Variants in SAMD8 observed in about 807,000 individuals in gnomAD.
SAMD8 encodes sphingomyelin synthase-related protein 1.
SAMD8 carries 20 observed loss-of-function variants against 42.0 expected under a neutral mutation model. The ratio of observed to expected loss-of-function variants is 0.48; its 90% CI spans 0.34 to 0.69. The LOEUF is 0.69. SAMD8 is among the 30% of genes least tolerant of loss of function. The probability of loss-of-function intolerance (pLI) is 0.01; values close to 1 mark genes in which losing one functional copy is unlikely to be tolerated. For missense variants in SAMD8, 328 were observed against 511.6 expected, an observed-to-expected ratio of 0.64 and a Z score of 3.46; for synonymous variants, 162 against 173.0, an observed-to-expected ratio of 0.94 and a Z score of 0.50.
At chr10:75,137,313 G>A (rs1396746203) in intron 1 of SAMD8, among the ~76,000 whole-genome samples, 1 of 152,186 alleles carries the variant, frequency 6.6e-6, no homozygotes, top group Non-Finnish European at 1.5e-5. Flanking sequence ...GCCGAGGTGG[G>A]TGGATCATTT....
chr10:75,121,605 TC>T (rs1849006982), intron 1 of SAMD8, among the ~76,000 whole-genome samples: 2 of 152,240 alleles, frequency 1.3e-5, no homozygotes, highest in Non-Finnish European at 2.9e-5. Context: ...TTCTGGGACT[TC>T]CTGGTTTTGC....
chr10:75,151,463 C>T (rs1208502688), intron 2 of SAMD8, among the ~76,000 whole-genome samples: 1 of 151,594 alleles, frequency 6.6e-6, no homozygotes, highest in Non-Finnish European at 1.5e-5. Context: ...AAGCAATCCT[C>T]CCACCTCAGC....
intron 2 of SAMD8, among the ~76,000 whole-genome samples, chr10:75,154,445 A>G (rs1183071691): frequency 2.0e-5 from 3 of 152,220 alleles, no homozygotes; most frequent in Admixed American, 2.0e-4. Flanking sequence ...AGCTGGGTGC[A>G]AAAATCTGAA....
intron 2 of SAMD8, among the ~76,000 whole-genome samples, chr10:75,154,063 G>T (rs1840356825): frequency 6.6e-6 from 1 of 152,206 alleles, no homozygotes; most frequent in African/African-American, 2.4e-5. Context: ...ACCATGCCCG[G>T]TGAGCTGTAG....
chr10:75,137,472 G>A (rs1220619809), intron 1 of SAMD8, among the ~76,000 whole-genome samples: 1 of 151,780 alleles, frequency 6.6e-6, no homozygotes, highest in Non-Finnish European at 1.5e-5. Flanking sequence ...CCCGGGAGGC[G>A]GAGCTTGCAG....
chr10:75,130,471 A>C (rs1316834534), intron 1 of SAMD8, among the ~76,000 whole-genome samples: 1 of 152,056 alleles, frequency 6.6e-6, no homozygotes, highest in Non-Finnish European at 1.5e-5. Context: ...GTACCATTGC[A>C]CTCCAGCCTG....
At chr10:75,152,968 G>T (rs910747456) in intron 2 of SAMD8, among the ~76,000 whole-genome samples, 7 of 152,008 alleles carry the variant, frequency 4.6e-5, no homozygotes, top group African/African-American at 1.7e-4. Flanking sequence ...TTACTTTCTT[G>T]TTTGTTAGTT....
chr10:75,142,437 A>G (rs1404926016), intron 1 of SAMD8, among the ~76,000 whole-genome samples: 1 of 152,058 alleles, frequency 6.6e-6, no homozygotes, highest in East Asian at 1.9e-4. Flanking sequence ...TTGTTTAAAC[A>G]GTAAATTATC....
At chr10:75,151,835 C>T (rs1267941206) in intron 2 of SAMD8, among the ~76,000 whole-genome samples, 2 of 152,048 alleles carry the variant, frequency 1.3e-5, no homozygotes, top group Non-Finnish European at 1.5e-5. Flanking sequence ...TACAGGAGCC[C>T]GCCACCAGGC....
intron 1 of SAMD8, among the ~76,000 whole-genome samples, chr10:75,114,275 G>T (rs898884427): frequency 6.7e-6 from 1 of 150,254 alleles, no homozygotes; most frequent in Non-Finnish European, 1.5e-5. Flanking sequence ...GGAAGCAGAG[G>T]TTGTGAGCTG....
chr10:75,119,781 G>A (rs919411933), intron 1 of SAMD8, among the ~76,000 whole-genome samples: 3 of 152,166 alleles, frequency 2.0e-5, no homozygotes, highest in African/African-American at 7.2e-5. Context: ...TTTAAATATT[G>A]TTAGCTGGGC....
exon 1 of SAMD8, chr10:75,099,645 G>A (rs1026929663): frequency 1.2e-6 from 1 of 845,402 alleles, no homozygotes; most frequent in Non-Finnish European, 1.6e-6. Context: ...AAACCCCCAG[G>A]CCTCCTCTCT....
At position 75,176,587 on chromosome 10, in the gene SAMD8, GT is replaced by G; in HGVS notation, c.1146del (p.Met384CysfsTer26). ...AGCAGAGTAGGAGAGCAAGGATTTG[GT>G]TTCCCATGTTCTCTTTTTTTGAATG... ...YQQSRRARIW[F>X]PMFSFFECNV... On this transcript the variant is annotated frameshift_variant, in exon 6 of 6. Coordinates refer to ENST00000542569, the MANE Select transcript of SAMD8 (RefSeq NM_001174156.2). LOFTEE classifies it high-confidence loss of function. This position sits in a 1 kb window ranked among gnomAD's most constrained non-coding sequence, Gnocchi z 4.3. 6.4e-7 allele frequency: 1 copy of G among 1,550,540 alleles called. No individual in the cohort carries two copies. Among genetic ancestry groups the G allele is most frequent in the Non-Finnish European group, 8.7e-7 (1 of 1,146,958 alleles).
At chr10:75,168,391 G>C (rs1995569) in intron 3 of SAMD8, 150 bp from the exon 4 acceptor site, 232,486 of 1,458,114 alleles carry the variant, frequency 0.16, 20,401 homozygotes, top group East Asian at 0.3. Context: ...GTTGGACAAC[G>C]ATGCTTTTGA....
intron 1 of SAMD8, among the ~76,000 whole-genome samples, chr10:75,116,709 T>G (rs376748297): frequency 6.6e-6 from 1 of 152,184 alleles, no homozygotes; most frequent in African/African-American, 2.4e-5. Flanking sequence ...TACATTAAAA[T>G]TTGGCTGCAA....
chr10:75,129,522 G>A (rs1383342823), intron 1 of SAMD8, among the ~76,000 whole-genome samples: 1 of 152,194 alleles, frequency 6.6e-6, no homozygotes, highest in African/African-American at 2.4e-5. Flanking sequence ...ACAGGTGTGA[G>A]CCACCGCACC....
chr10:75,156,211 G>A (rs945389475), intron 2 of SAMD8, among the ~76,000 whole-genome samples: 27 of 152,126 alleles, frequency 1.8e-4, no homozygotes, highest in African/African-American at 6.3e-4. Context: ...CCTTTTGTTT[G>A]TCTCAGTAAG....
rs1477958471 is a variant in SAMD8 at position 75,179,282 on chromosome 10, G to A, written c.*2590G>A. On this transcript the variant is annotated 3_prime_UTR_variant, in exon 6 of 6. Coordinates refer to ENST00000542569, the MANE Select transcript of SAMD8 (RefSeq NM_001174156.2). ...GATCACTTGAGCCCAAGGAGGTTGA[G>A]GCTACAGTGAGCTGTAATCATGCCA... 6.6e-6 allele frequency: 1 copy of A among 152,200 alleles called. No individual in the cohort carries two copies. Among genetic ancestry groups the A allele is most frequent in the Non-Finnish European group, 1.5e-5 (1 of 68,084 alleles). 9.4% of individuals were successfully genotyped at this position (152,200 alleles called of 1,614,324 possible).
intron 2 of SAMD8, among the ~76,000 whole-genome samples, chr10:75,160,437 T>A (rs1249252679): frequency 3.3e-5 from 5 of 151,752 alleles, no homozygotes; most frequent in African/African-American, 1.2e-4. Context: ...CGATCTCCTG[T>A]CCTTGTGATC....
Sources: gnomAD v4.1 joint callset for allele counts (sites outside exome capture counted in the v4.1 genomes callset) on GRCh38, gnomAD v4.1.1 for gene constraint, Gnocchi (gnomAD v3.1) non-coding constraint, MANE v1.5 for transcripts, NCBI Gene and HGNC (gene_info 2026-07-23, HGNC 2026-07-21) for gene names.